Variants in LIMS1 observed in about 807,000 individuals in gnomAD.
The protein encoded by LIMS1 is LIM and senescent cell antigen-like-containing domain protein 1.
Under a neutral mutation model 44.1 loss-of-function variants are expected in LIMS1, and 18 were observed. The ratio of observed to expected loss-of-function variants is 0.41; its 90% CI spans 0.28 to 0.61. The LOEUF (loss-of-function observed/expected upper bound fraction) is 0.61. LIMS1 is among the 20% of genes least tolerant of loss of function. The pLI is 0.32. For synonymous variants in LIMS1, 93 were observed against 149.1 expected (o/e 0.62, Z 2.74); for missense variants, 201 against 422.0 (o/e 0.48, Z 4.59).
At chr2:108,549,411 CG>C (rs887855928) in intron 1 of LIMS1, among the ~76,000 whole-genome samples, 1 of 149,868 alleles carries the variant, frequency 6.7e-6, no homozygotes, top group African/African-American at 2.5e-5. Context: ...TCTCCTGCCT[CG>C]CCCTCCCTAG....
chr2:108,546,075 G>T (rs1684471559), intron 1 of LIMS1, among the ~76,000 whole-genome samples: 1 of 152,128 alleles, frequency 6.6e-6, no homozygotes, highest in Non-Finnish European at 1.5e-5. Flanking sequence ...TTAATAATAT[G>T]TGTATTGCCT....
At chr2:108,590,584 C>A (rs778630081) in intron 1 of LIMS1, among the ~76,000 whole-genome samples, 2 of 152,204 alleles carry the variant, frequency 1.3e-5, no homozygotes, top group African/African-American at 4.8e-5. Flanking sequence ...GAGCGGGGAA[C>A]CCCCTTCAAT....
intron 2 of LIMS1, among the ~76,000 whole-genome samples, chr2:108,669,179 G>A (rs1489397117): frequency 2.6e-5 from 4 of 152,132 alleles, no homozygotes; most frequent in Non-Finnish European, 4.4e-5. Flanking sequence ...GGCCAAAGGC[G>A]GGAGGATCAC....
chr2:108,575,414 A>C (rs1257731532), intron 1 of LIMS1, among the ~76,000 whole-genome samples: 1 of 152,220 alleles, frequency 6.6e-6, no homozygotes. Flanking sequence ...TGCTGCCCTT[A>C]CGGCTCACAG....
chr2:108,676,932 T>C, intron 7 of LIMS1: 1 of 517,540 alleles, frequency 1.9e-6, no homozygotes, highest in Non-Finnish European at 3.4e-6. Flanking sequence ...AAGCTCAGTC[T>C]TCCTGTGTAA....
intron 8 of LIMS1, among the ~76,000 whole-genome samples, 155 bp from the exon 9 acceptor site, chr2:108,680,540 T>TAAA (rs772500201): frequency 1.7e-4 from 14 of 81,580 alleles, no homozygotes; most frequent in Non-Finnish European, 1.9e-4. Context: ...CTGTCTCATT[T>TAAA]AAAAAAAAAA....
intron 1 of LIMS1, among the ~76,000 whole-genome samples, chr2:108,628,191 C>T (rs533744184): frequency 6.6e-6 from 1 of 152,358 alleles, no homozygotes; most frequent in East Asian, 1.9e-4. Context: ...TTTCCCTTGA[C>T]TTCTTGAAGT....
intron 1 of LIMS1, among the ~76,000 whole-genome samples, chr2:108,614,918 G>A (rs922839971): frequency 1.1e-4 from 17 of 152,116 alleles, no homozygotes; most frequent in Non-Finnish European, 7.4e-5. Flanking sequence ...GAGAAGAACC[G>A]TTTTTGTTCT....
chr2:108,570,489 C>T (rs1685446329), intron 1 of LIMS1, among the ~76,000 whole-genome samples: 2 of 152,026 alleles, frequency 1.3e-5, no homozygotes, highest in Admixed American at 1.3e-4. Context: ...TTCCAGAAAC[C>T]CAGGGTTTTC....
chr2:108,601,192 T>C, intron 1 of LIMS1, among the ~76,000 whole-genome samples: 1 of 152,098 alleles, frequency 6.6e-6, no homozygotes, highest in South Asian at 2.1e-4. Context: ...AATGCAGATA[T>C]AATAAACAAA....
chr2:108,617,242 C>T (rs138430412), intron 1 of LIMS1, among the ~76,000 whole-genome samples: 1 of 152,048 alleles, frequency 6.6e-6, no homozygotes, highest in Admixed American at 6.5e-5. Context: ...GTTTCTTTAC[C>T]CTCTTATATC....
intron 5 of LIMS1, among the ~76,000 whole-genome samples, chr2:108,674,432 A>G (rs959912340): frequency 5.9e-5 from 9 of 151,756 alleles, no homozygotes; most frequent in Non-Finnish European, 1.2e-4. Flanking sequence ...ATACTAAGAA[A>G]ACAGTTTGGG....
chr2:108,543,049 G>A (rs750822208), intron 1 of LIMS1, among the ~76,000 whole-genome samples: 8 of 152,204 alleles, frequency 5.3e-5, no homozygotes, highest in Non-Finnish European at 7.3e-5. Context: ...AGGGCATGGA[G>A]TATACAGCTG....
At chr2:108,661,736 C>T (rs1691386039) in intron 2 of LIMS1, among the ~76,000 whole-genome samples, 1 of 152,158 alleles carries the variant, frequency 6.6e-6, no homozygotes, top group Non-Finnish European at 1.5e-5. Flanking sequence ...TGAGGACCTA[C>T]TTCTACCTCG....
intron 1 of LIMS1, among the ~76,000 whole-genome samples, chr2:108,564,217 T>C (rs944484480): frequency 2.0e-5 from 3 of 152,178 alleles, no homozygotes; most frequent in Non-Finnish European, 4.4e-5. Context: ...CTCAGATGAT[T>C]GCTAGCATTT....
At chr2:108,552,283 C>T (rs1357634073) in intron 1 of LIMS1, among the ~76,000 whole-genome samples, 1 of 131,524 alleles carries the variant, frequency 7.6e-6, no homozygotes, top group African/African-American at 2.7e-5. Context: ...ATATATGAAA[C>T]TATATATATA....
chr2:108,598,982 T>C (rs1224180029), intron 1 of LIMS1, among the ~76,000 whole-genome samples: 2 of 152,190 alleles, frequency 1.3e-5, no homozygotes, highest in East Asian at 3.8e-4. Context: ...AATTATTTTA[T>C]TGGGGGGGTG....
chr2:108,581,335 A>G (rs978676327), intron 1 of LIMS1, among the ~76,000 whole-genome samples: 4 of 152,192 alleles, frequency 2.6e-5, no homozygotes, highest in South Asian at 2.1e-4. Context: ...CTTTCCAACA[A>G]GGTACCTAAA....
chr2:108,585,800 AAT>A (rs756331808), intron 1 of LIMS1, among the ~76,000 whole-genome samples: 33 of 152,152 alleles, frequency 2.2e-4, no homozygotes, highest in Non-Finnish European at 4.0e-4. Context: ...AGGACTGAAA[AAT>A]GCCTTCTGGA....
Sources: gnomAD v4.1 joint callset for allele counts (sites outside exome capture counted in the v4.1 genomes callset) on GRCh38, gnomAD v4.1.1 for gene constraint, MANE v1.5 for transcripts, NCBI Gene and HGNC (gene_info 2026-07-23, HGNC 2026-07-21) for gene names.